Variants in EXOC2 observed in about 807,000 individuals in gnomAD.
The protein encoded by EXOC2 is exocyst complex component 2, also known as SEC5-like 1.
EXOC2 carries 70 observed loss-of-function variants against 131.8 expected under a neutral mutation model. The observed-to-expected ratio is 0.53, with a 90% CI of 0.44 to 0.65. The LOEUF (loss-of-function observed/expected upper bound fraction) is 0.65, where lower values mean the gene tolerates loss of function less well. Ranked by LOEUF, EXOC2 falls within the 30% of genes least tolerant of loss-of-function variation. The probability of loss-of-function intolerance (pLI) is 0.00; values close to 1 mark genes in which losing one functional copy is unlikely to be tolerated. For synonymous variants in EXOC2, 411 were observed against 398.4 expected (o/e 1.03, Z -0.38); for missense variants, 923 against 1,108.6 (o/e 0.83, Z 2.38).
rs555575028 is a variant in EXOC2, at chr6:565,049, T to C, written c.1444-120A>G. ...GTTATAACTTGATTAAAAGAAATGC[T>C]TAAGACATAATCTATGTTTCTGATT... On this transcript the variant is annotated intron_variant, in intron 13 of 27. Transcript: ENST00000230449. The C allele has an allele frequency of 2.0e-5, 14 of 697,902 alleles. No homozygotes were observed. In the South Asian group the frequency reaches 3.9e-4, roughly 19 times the overall value. 43.2% of individuals were successfully genotyped at this position (697,902 alleles called of 1,614,324 possible).
chr6:615,719 C>CAAAAGA (rs1760962442), intron 6 of EXOC2, among the ~76,000 whole-genome samples: 3 of 80,438 alleles, frequency 3.7e-5, no homozygotes, highest in Non-Finnish European at 4.6e-5. Flanking sequence ...GACTCCATCT[C>CAAAAGA]AAAAGAAAAA....
chr6:684,763 A>C (rs1382541891), intron 1 of EXOC2, among the ~76,000 whole-genome samples: 1 of 152,240 alleles, frequency 6.6e-6, no homozygotes, highest in Non-Finnish European at 1.5e-5. Context: ...TCAGACTAAA[A>C]ATACACAGAA....
chr6:566,594 A>C (rs1405940787), intron 13 of EXOC2, among the ~76,000 whole-genome samples: 1 of 152,224 alleles, frequency 6.6e-6, no homozygotes, highest in Non-Finnish European at 1.5e-5. Context: ...GGTTGGTGGT[A>C]TGGGGTATGG....
intron 13 of EXOC2, among the ~76,000 whole-genome samples, chr6:569,959 A>C (rs1336489450): frequency 6.6e-6 from 1 of 152,174 alleles, no homozygotes; most frequent in Non-Finnish European, 1.5e-5. Context: ...TTTTCACTAA[A>C]ATATCCTAGA....
intron 23 of EXOC2, among the ~76,000 whole-genome samples, chr6:529,415 C>A (rs1457666984): frequency 6.7e-6 from 1 of 150,304 alleles, no homozygotes; most frequent in Non-Finnish European, 1.5e-5. Context: ...AAAGAAAAGT[C>A]TTCTTCTGCA....
At chr6:600,956 C>T (rs1443176381) in intron 7 of EXOC2, among the ~76,000 whole-genome samples, 4 of 152,106 alleles carry the variant, frequency 2.6e-5, no homozygotes, top group Non-Finnish European at 5.9e-5. Flanking sequence ...AACTGAAGTT[C>T]CTAACTCTGA....
At chr6:633,802 C>A (rs547325302) in intron 2 of EXOC2, among the ~76,000 whole-genome samples, 2 of 152,266 alleles carry the variant, frequency 1.3e-5, no homozygotes, top group Admixed American at 6.5e-5. Flanking sequence ...TAAACCTACA[C>A]TCCCAGAAGG....
Position 564,529 on chromosome 6 carries a change from A to C in EXOC2, c.1667+16T>G. ...AACAGAAGTACGCCTTTCTCTGAGAATGTGTCCATACTCACCTTACAGTCT... is the reference window on the plus strand; with the variant it reads ...AACAGAAGTACGCCTTTCTCTGAGACTGTGTCCATACTCACCTTACAGTCT... On this transcript the variant is annotated intron_variant, in intron 15 of 27. Coordinates refer to ENST00000230449, the MANE Select transcript of EXOC2 (RefSeq NM_018303.6). 1 of 1,613,860 alleles carries C rather than the reference A, an allele frequency of 6.2e-7. No homozygotes were observed. The highest frequency in any genetic ancestry group is 1.3e-5 in the African/African-American group (1 of 75,014).
At chr6:677,393 CTT>C (rs1764195436) in intron 1 of EXOC2, among the ~76,000 whole-genome samples, 2 of 152,358 alleles carry the variant, frequency 1.3e-5, no homozygotes, top group African/African-American at 2.4e-5. Context: ...AAACATGGCT[CTT>C]GCCTTTATTT....
At chr6:492,425 AAC>A (rs1299253339) in intron 25 of EXOC2, among the ~76,000 whole-genome samples, 7 of 152,358 alleles carry the variant, frequency 4.6e-5, no homozygotes, top group Non-Finnish European at 1.0e-4. Flanking sequence ...GAGACATGAA[AAC>A]ACATGTCCAC....
chr6:599,797 AAT>A (rs760524983), intron 7 of EXOC2, among the ~76,000 whole-genome samples: 9 of 152,218 alleles, frequency 5.9e-5, no homozygotes, highest in Non-Finnish European at 1.2e-4. Flanking sequence ...CAGCATCATG[AAT>A]ATTTCTTAAA....
intron 24 of EXOC2, among the ~76,000 whole-genome samples, chr6:498,022 A>G (rs1332068679): frequency 6.6e-6 from 1 of 152,194 alleles, no homozygotes; most frequent in Non-Finnish European, 1.5e-5. Flanking sequence ...CAAACCTTAA[A>G]GTTTGAGACT....
At chr6:546,212 A>G (rs1255326312) in intron 22 of EXOC2, among the ~76,000 whole-genome samples, 3 of 152,150 alleles carry the variant, frequency 2.0e-5, no homozygotes, top group Non-Finnish European at 2.9e-5. Flanking sequence ...TGACTGGAAA[A>G]AGACATCTCC....
At chr6:495,330 T>C (rs1285522672) in intron 25 of EXOC2, among the ~76,000 whole-genome samples, 1 of 151,312 alleles carries the variant, frequency 6.6e-6, no homozygotes, top group Non-Finnish European at 1.5e-5. Flanking sequence ...TTCACCGTGT[T>C]AGCCAGGATG....
chr6:631,120 T>A (rs1761823476), intron 3 of EXOC2, among the ~76,000 whole-genome samples: 1 of 152,258 alleles, frequency 6.6e-6, no homozygotes, highest in Admixed American at 6.5e-5. Flanking sequence ...GAAGGCTGTC[T>A]GAATACCAGG....
At chr6:668,092 T>C (rs1177023264) in intron 1 of EXOC2, among the ~76,000 whole-genome samples, 1 of 152,220 alleles carries the variant, frequency 6.6e-6, no homozygotes, top group Admixed American at 6.5e-5. Context: ...TTTCTATTGG[T>C]TTTTGATTTT....
At chr6:673,349 A>C (rs1456739092) in intron 1 of EXOC2, among the ~76,000 whole-genome samples, 1 of 150,608 alleles carries the variant, frequency 6.6e-6, no homozygotes, top group Non-Finnish European at 1.5e-5. Flanking sequence ...TGCACTGGTT[A>C]GTGTTCCATT....
At chr6:537,539 G>A (rs1222672126) in intron 22 of EXOC2, among the ~76,000 whole-genome samples, 3 of 152,188 alleles carry the variant, frequency 2.0e-5, no homozygotes, top group Non-Finnish European at 4.4e-5. Flanking sequence ...TGTACACTCT[G>A]GAAAACTACT....
intron 11 of EXOC2, among the ~76,000 whole-genome samples, chr6:582,599 C>G (rs956721648): frequency 1.3e-5 from 2 of 148,202 alleles, no homozygotes; most frequent in Admixed American, 6.8e-5. Flanking sequence ...AAGCGCACCA[C>G]ACACAAGAAT....
Sources: gnomAD v4.1 joint callset for allele counts (sites outside exome capture counted in the v4.1 genomes callset) on GRCh38, gnomAD v4.1.1 for gene constraint, MANE v1.5 for transcripts, NCBI Gene and HGNC (gene_info 2026-07-23, HGNC 2026-07-21) for gene names.